The following TSPAN5 variants were observed in gnomAD, a reference collection of about 807,000 sequenced individuals.
The protein encoded by TSPAN5 is tetraspanin 5, also known as tetraspanin-5.
TSPAN5 carries 10 observed loss-of-function variants against 37.1 expected under a neutral mutation model. The ratio of observed to expected loss-of-function variants is 0.27; its 90% CI spans 0.17 to 0.46. The LOEUF (loss-of-function observed/expected upper bound fraction) is 0.46, where lower values mean the gene tolerates loss of function less well. Ranked by LOEUF, TSPAN5 falls within the 20% of genes least tolerant of loss-of-function variation. TSPAN5 has a pLI of 1.00. For synonymous variants in TSPAN5, 110 were observed against 118.9 expected, an observed-to-expected ratio of 0.93 and a Z score of 0.48; for missense variants, 195 against 326.6, an observed-to-expected ratio of 0.60 and a Z score of 3.11.
At position 98,658,307 on chromosome 4, in the gene TSPAN5, G is replaced by T. The variant is rs528474539; in HGVS notation, c.-81C>A. The T allele has an allele frequency of 1.1e-4, 125 of 1,189,580 alleles. No homozygotes were observed. The South Asian group carries it at 1.5e-3, about 14-fold the overall frequency. The allele number at this position is 1,189,580 out of a possible 1,614,324, so 73.7% of individuals were successfully genotyped here. Reference sequence around the variant, plus strand: ...ACCGTTGCTCGGAGCAGCCCGGCGGGGAGCAGGAGCTCAGGGACACCGCAC... The same window carrying T: ...ACCGTTGCTCGGAGCAGCCCGGCGGTGAGCAGGAGCTCAGGGACACCGCAC... On this transcript the variant is annotated 5_prime_UTR_variant, in exon 1 of 8. Transcript: ENST00000305798.
At position 98,623,452 on chromosome 4, in the gene TSPAN5, A is replaced by C. The variant is rs143167190; in HGVS notation, c.81+34694T>G. On this transcript the variant is annotated intron_variant, in intron 1 of 7. Coordinates refer to ENST00000305798, the MANE Select transcript of TSPAN5 (RefSeq NM_005723.4). ...AGTCCAATCAAAAGATGAGAATCCT[A>C]TGAATAAACCTGTAATAATATCCTC... Among the ~76,000 whole-genome samples the C allele has an allele frequency of 1.7e-3, 252 of 152,368 alleles. 1 individual carries two copies. In the Middle Eastern group the frequency reaches 0.034, roughly 21 times the overall value.
At chr4:98,618,629 A>T (rs1393503481) in intron 1 of TSPAN5, among the ~76,000 whole-genome samples, 1 of 152,182 alleles carries the variant, frequency 6.6e-6, no homozygotes, top group African/African-American at 2.4e-5. Flanking sequence ...GCCTAGGGTC[A>T]TATCAATAAA....
At chr4:98,539,153 A>G (rs1326447100) in intron 1 of TSPAN5, among the ~76,000 whole-genome samples, 1 of 152,118 alleles carries the variant, frequency 6.6e-6, no homozygotes, top group East Asian at 1.9e-4. Flanking sequence ...AAAAAAAAAA[A>G]AAACCAAAAA....
At chr4:98,606,194 G>A (rs1169390669) in intron 1 of TSPAN5, among the ~76,000 whole-genome samples, 3 of 152,196 alleles carry the variant, frequency 2.0e-5, no homozygotes, top group Admixed American at 2.0e-4. Context: ...TGCAGTCACA[G>A]AGCAAAAGAA....
chr4:98,556,659 G>A (rs1754758447), intron 1 of TSPAN5, among the ~76,000 whole-genome samples: 1 of 152,148 alleles, frequency 6.6e-6, no homozygotes, highest in South Asian at 2.1e-4. Context: ...CTCACCAAAA[G>A]AGATGTGGTA....
At chr4:98,646,857 C>T (rs1757079941) in intron 1 of TSPAN5, among the ~76,000 whole-genome samples, 1 of 152,012 alleles carries the variant, frequency 6.6e-6, no homozygotes, top group South Asian at 2.1e-4. Context: ...ATTGCTAATA[C>T]CTATTGACTA....
chr4:98,477,315 G>A (rs189200621), intron 5 of TSPAN5, among the ~76,000 whole-genome samples: 82 of 152,336 alleles, frequency 5.4e-4, no homozygotes, highest in African/African-American at 1.7e-3. Flanking sequence ...GGCAGCTGGC[G>A]GGGCAGCACA....
intron 1 of TSPAN5, among the ~76,000 whole-genome samples, chr4:98,560,722 A>C (rs1754862780): frequency 6.6e-6 from 1 of 152,224 alleles, no homozygotes; most frequent in African/African-American, 2.4e-5. Context: ...ATTCCTGTGC[A>C]GGGGAGCACA....
intron 1 of TSPAN5, among the ~76,000 whole-genome samples, chr4:98,592,895 C>A (rs1361350891): frequency 6.8e-6 from 1 of 147,270 alleles, no homozygotes; most frequent in Non-Finnish European, 1.5e-5. Flanking sequence ...CCGCAATAAA[C>A]ATACGTGTGC....
chr4:98,510,398 G>A (rs1453144878), intron 1 of TSPAN5, among the ~76,000 whole-genome samples: 2 of 152,226 alleles, frequency 1.3e-5, no homozygotes, highest in Non-Finnish European at 2.9e-5. Context: ...AAGGGGTGTG[G>A]AAAAGGTAAA....
chr4:98,570,790 C>A (rs1325691717), intron 1 of TSPAN5, among the ~76,000 whole-genome samples: 1 of 151,984 alleles, frequency 6.6e-6, no homozygotes. Flanking sequence ...CCCATTTTGC[C>A]ATCTCTCCTC....
intron 5 of TSPAN5, 100 bp from the exon 6 acceptor site, chr4:98,476,560 GTGTATCTGGGCA>G: frequency 9.3e-7 from 1 of 1,077,774 alleles, no homozygotes; most frequent in Non-Finnish European, 1.4e-6. Flanking sequence ...GTAATAAAAT[GTGTATCTGGGCA>G]CAAAGACTGC....
At chr4:98,545,330 G>C (rs1163228844) in intron 1 of TSPAN5, among the ~76,000 whole-genome samples, 1 of 152,164 alleles carries the variant, frequency 6.6e-6, no homozygotes, top group African/African-American at 2.4e-5. Context: ...AATGCCAAAA[G>C]CAATATCCCT....
chr4:98,578,166 G>A (rs2110191206), intron 1 of TSPAN5, among the ~76,000 whole-genome samples: 1 of 152,150 alleles, frequency 6.6e-6, no homozygotes, highest in African/African-American at 2.4e-5. Context: ...GTGTGGTCAG[G>A]ACACAGCCCA....
rs150250790 is a variant in TSPAN5, at chr4:98,591,792, G to A, written c.81+66354C>T. Among the ~76,000 whole-genome samples the A allele has an allele frequency of 0.015, 2,308 of 150,948 alleles. 153 individuals carry two copies. In the East Asian group the frequency reaches 0.2, roughly 13 times the overall value. ...TTTGACATGCATTACGTTCCCATTA[G>A]TCATCATTTATCTATAAGTTTAATG... On this transcript the variant is annotated intron_variant, in intron 1 of 7. Transcript: ENST00000305798.
intron 1 of TSPAN5, among the ~76,000 whole-genome samples, chr4:98,651,634 T>C (rs554642389): frequency 6.6e-6 from 1 of 152,304 alleles, no homozygotes; most frequent in South Asian, 2.1e-4. Context: ...GGTTTAATGT[T>C]TCCAAATAAA....
rs569201766 is a variant in TSPAN5 at position 98,589,823 on chromosome 4, C to T, written c.81+68323G>A. On this transcript the variant is annotated intron_variant, in intron 1 of 7. Coordinates refer to ENST00000305798, the MANE Select transcript of TSPAN5 (RefSeq NM_005723.4). ...AAACTGAATCGTCTATCTGGTGTTG[C>T]AGTGTCAGTGCAGGCCTAGCATGGG... Among the ~76,000 whole-genome samples the T allele has an allele frequency of 7.2e-4, 110 of 152,198 alleles. 1 individual carries two copies. The highest frequency in any genetic ancestry group is 2.6e-3 in the African/African-American group (108 of 41,516).
intron 3 of TSPAN5, chr4:98,486,426 T>G: frequency 4.3e-6 from 1 of 233,648 alleles, no homozygotes; most frequent in Non-Finnish European, 8.1e-6. Context: ...AGGAATCACT[T>G]AGAAGAAAAT....
chr4:98,655,171 G>A (rs1757270514), intron 1 of TSPAN5, among the ~76,000 whole-genome samples: 1 of 151,868 alleles, frequency 6.6e-6, no homozygotes. Context: ...TTTGTTTTTT[G>A]TTTTTTGTTT....
Sources: allele counts gnomAD v4.1 joint callset (sites outside exome capture counted in the v4.1 genomes callset), GRCh38; gene constraint gnomAD v4.1.1; transcripts MANE v1.5; gene names NCBI Gene and HGNC (gene_info 2026-07-23, HGNC 2026-07-21).